Variants in NRG1 observed in about 807,000 individuals in gnomAD.
NRG1 encodes pro-neuregulin-1, membrane-bound isoform.
Under a neutral mutation model 63.8 loss-of-function variants are expected in NRG1, and 18 were observed. The ratio of observed to expected loss-of-function variants is 0.28; its 90% CI spans 0.19 to 0.42. The LOEUF is 0.42. Among genes scored for constraint, NRG1 ranks in the 10% least tolerant of loss-of-function variants. NRG1 has a pLI of 1.00. For synonymous variants in NRG1, 302 were observed against 301.3 expected (o/e 1.00, Z -0.02); for missense variants, 762 against 814.7 (o/e 0.94, Z 0.79).
chr8:32,449,929 T>C (rs1386777294), intron 1 of NRG1, among the ~76,000 whole-genome samples: 1 of 152,094 alleles, frequency 6.6e-6, no homozygotes, highest in Non-Finnish European at 1.5e-5. Flanking sequence ...ACAGGATATT[T>C]GGGGATTGGC....
At chr8:32,612,568 A>G (rs939556726) in intron 3 of NRG1, among the ~76,000 whole-genome samples, 9 of 149,976 alleles carry the variant, frequency 6.0e-5, no homozygotes, top group African/African-American at 2.2e-4. Flanking sequence ...CTTTGTAGTA[A>G]CCTCCTGTTC....
intron 1 of NRG1, among the ~76,000 whole-genome samples, chr8:32,304,322 A>G (rs1039929731): frequency 6.6e-6 from 1 of 152,264 alleles, no homozygotes; most frequent in Non-Finnish European, 1.5e-5. Context: ...AGGCATGGAT[A>G]TGTATCTGCA....
Position 31,683,207 on chromosome 8 carries a change from A to T in NRG1, c.37+43776A>T, listed in dbSNP as rs367705850. On this transcript the variant is annotated intron_variant, in intron 1 of 10. Transcript: ENST00000519301. ...AATCACACTCCTTAGTATTTCTCCA[A>T]ATGAGTTGAAATGTCCACACAAAAC... is the stretch of plus-strand genomic sequence containing the variant. Among the ~76,000 whole-genome samples the T allele has an allele frequency of 3.7e-4, 57 of 152,254 alleles. 1 individual carries two copies. The highest frequency in any genetic ancestry group is 1.3e-3 in the African/African-American group (55 of 41,558).
At chr8:32,561,470 T>G (rs1281205479) in intron 1 of NRG1, among the ~76,000 whole-genome samples, 1 of 152,180 alleles carries the variant, frequency 6.6e-6, no homozygotes, top group Non-Finnish European at 1.5e-5. Flanking sequence ...GTAATGGGTG[T>G]GTGTGTGAAT....
At chr8:32,442,731 T>G (rs1819709889) in intron 1 of NRG1, 1 of 152,166 alleles carries the variant, frequency 6.6e-6, no homozygotes, top group Admixed American at 6.6e-5. Context: ...ATAGATGTAT[T>G]GAGGACATGC....
At chr8:32,172,632 G>C (rs1840199186) in intron 1 of NRG1, among the ~76,000 whole-genome samples, 1 of 152,184 alleles carries the variant, frequency 6.6e-6, no homozygotes, top group South Asian at 2.1e-4. Flanking sequence ...AACCAATGCA[G>C]AGATGTCCTT....
At chr8:32,088,701 G>A (rs573336601) in intron 1 of NRG1, among the ~76,000 whole-genome samples, 54 of 152,060 alleles carry the variant, frequency 3.6e-4, no homozygotes, top group African/African-American at 1.2e-3. Flanking sequence ...TGTATTTTTA[G>A]TAGAGATGGG....
At chr8:32,688,802 G>A (rs934018894) in intron 5 of NRG1, among the ~76,000 whole-genome samples, 1 of 152,054 alleles carries the variant, frequency 6.6e-6, no homozygotes, top group Non-Finnish European at 1.5e-5. Context: ...TTTACTGTTA[G>A]AACAGTTTGA....
chr8:32,708,494 T>C (rs2128976376), intron 5 of NRG1, among the ~76,000 whole-genome samples: 1 of 152,334 alleles, frequency 6.6e-6, no homozygotes, highest in Admixed American at 6.5e-5. Flanking sequence ...CTCAAAATAC[T>C]GAGAACCTCC....
intron 1 of NRG1, among the ~76,000 whole-genome samples, chr8:31,982,237 C>A (rs1809248015): frequency 6.6e-6 from 1 of 152,004 alleles, no homozygotes; most frequent in African/African-American, 2.4e-5. Flanking sequence ...AAAGATCATT[C>A]TTGCTATGGT....
intron 1 of NRG1, among the ~76,000 whole-genome samples, chr8:31,673,524 C>T (rs1264503972): frequency 2.6e-5 from 4 of 152,136 alleles, no homozygotes; most frequent in East Asian, 3.9e-4. Flanking sequence ...ATGCCCTGTA[C>T]TTGTACATTT....
chr8:32,070,948 C>T (rs1305373238), intron 1 of NRG1, among the ~76,000 whole-genome samples: 1 of 152,204 alleles, frequency 6.6e-6, no homozygotes, highest in Non-Finnish European at 1.5e-5. Context: ...ACCTCAGCTT[C>T]ACCGTGTTCT....
At chr8:32,345,898 G>C (rs10096574) in intron 1 of NRG1, among the ~76,000 whole-genome samples, 78,421 of 151,476 alleles carry the variant, frequency 0.52, 21,213 homozygotes, top group Non-Finnish European at 0.61. Flanking sequence ...ATCCCAGGTA[G>C]TTGAGAGGCT....
chr8:32,546,167 C>T (rs2129522151), upstream of NRG1, among the ~76,000 whole-genome samples: 1 of 152,240 alleles, frequency 6.6e-6, no homozygotes, highest in Non-Finnish European at 1.5e-5. Flanking sequence ...AAATGTATCA[C>T]AAAATCGTAG....
chr8:32,727,803 T>C, intron 5 of NRG1, 146 bp from the exon 6 acceptor site: 1 of 660,272 alleles, frequency 1.5e-6, no homozygotes, highest in Non-Finnish European at 2.5e-6. Context: ...CAGCTTAACT[T>C]CTCTGCTATT....
intron 5 of NRG1, among the ~76,000 whole-genome samples, chr8:32,715,481 A>G (rs1312094075): frequency 6.6e-6 from 1 of 152,122 alleles, no homozygotes; most frequent in East Asian, 1.9e-4. Flanking sequence ...CTGGTGACTG[A>G]TTTCTATTCA....
intron 1 of NRG1, among the ~76,000 whole-genome samples, chr8:32,079,399 C>G (rs1827107062): frequency 6.6e-6 from 1 of 152,044 alleles, no homozygotes; most frequent in Admixed American, 6.6e-5. Flanking sequence ...ATAAATTACT[C>G]CTATTCATTT....
chr8:32,299,563 T>A (rs981652329), intron 1 of NRG1, among the ~76,000 whole-genome samples: 1 of 152,196 alleles, frequency 6.6e-6, no homozygotes, highest in African/African-American at 2.4e-5. Context: ...TTTCGCTCCC[T>A]GTGTTAGTCT....
intron 1 of NRG1, among the ~76,000 whole-genome samples, chr8:32,215,902 C>G (rs1845174534): frequency 6.6e-6 from 1 of 151,822 alleles, no homozygotes; most frequent in South Asian, 2.1e-4. Flanking sequence ...ACTAGCCAGG[C>G]TGGTGGTGTG....
Sources: allele counts gnomAD v4.1 joint callset (sites outside exome capture counted in the v4.1 genomes callset), GRCh38; gene constraint gnomAD v4.1.1; transcripts MANE v1.5; gene names NCBI Gene and HGNC (gene_info 2026-07-23, HGNC 2026-07-21).